Variants in FOXN4 observed in about 807,000 individuals in gnomAD.
FOXN4 encodes forkhead box N4, also known as forkhead box protein N4.
Under a neutral mutation model 45.0 loss-of-function variants are expected in FOXN4, and 12 were observed. The ratio of observed to expected loss-of-function variants is 0.27; its 90% confidence interval spans 0.17 to 0.43. The LOEUF is 0.43. Among genes scored for constraint, FOXN4 ranks in the 20% least tolerant of loss-of-function variants. The pLI is 1.00. For missense variants in FOXN4, 560 were observed against 694.9 expected, an observed-to-expected ratio of 0.81 and a Z score of 2.18; for synonymous variants, 297 against 295.0, an observed-to-expected ratio of 1.01 and a Z score of -0.07.
chr12:109,304,228 A>G (rs2047893454), intron 2 of FOXN4, among the ~76,000 whole-genome samples: 1 of 38,260 alleles, frequency 2.6e-5, no homozygotes, highest in South Asian at 9.7e-4. Context: ...AAAGAGAAAG[A>G]AAGAAAGAAA....
At chr12:109,299,149 T>C (rs1247518952) in intron 2 of FOXN4, among the ~76,000 whole-genome samples, 2 of 152,028 alleles carry the variant, frequency 1.3e-5, no homozygotes, top group South Asian at 2.1e-4. Flanking sequence ...AGAGAGCTTT[T>C]TGGGCAAAAA....
At chr12:109,301,238 C>A (rs906865449) in intron 2 of FOXN4, among the ~76,000 whole-genome samples, 1 of 152,218 alleles carries the variant, frequency 6.6e-6, no homozygotes, top group Non-Finnish European at 1.5e-5. Context: ...ACCCCAGCAT[C>A]CTCGTGTGCC....
At chr12:109,302,538 A>T (rs1787199848) in intron 2 of FOXN4, among the ~76,000 whole-genome samples, 1 of 152,216 alleles carries the variant, frequency 6.6e-6, no homozygotes, top group South Asian at 2.1e-4. Flanking sequence ...TCTGTGCTGC[A>T]GTTTCCTCAT....
chr12:109,286,010 C>T (rs190454368), intron 7 of FOXN4, among the ~76,000 whole-genome samples: 9 of 152,090 alleles, frequency 5.9e-5, no homozygotes, highest in East Asian at 3.9e-4. Flanking sequence ...GGACTACAGT[C>T]GTGCACCACC....
chr12:109,286,593 G>A, intron 7 of FOXN4, 55 bp downstream of exon 7: 1 of 1,540,660 alleles, frequency 6.5e-7, no homozygotes, highest in Admixed American at 1.9e-5. Context: ...GATTCTGGCA[G>A]CACCAGGAAG....
In FOXN4 at chr12:109,287,119, G is replaced by A. The variant is rs113875847; in HGVS notation, c.596+278C>T. ...ATGACTTTTTACATTTGGGGAAATC[G>A]AGGCTCAGAGAGGTCATCCCACTTC... On this transcript the variant is annotated intron_variant, in intron 6 of 9. Transcript: ENST00000299162. This position sits in a 1 kb window ranked among gnomAD's most constrained non-coding sequence, Gnocchi z 4.1. Among the ~76,000 whole-genome samples, 1 of 152,096 alleles carries A rather than the reference G, an allele frequency of 6.6e-6. No homozygotes were observed. Among genetic ancestry groups the A allele is most frequent in the Non-Finnish European group, 1.5e-5 (1 of 68,030 alleles).
intron 1 of FOXN4, 37 bp from the exon 2 acceptor site, chr12:109,308,361 A>G: frequency 2.7e-6 from 4 of 1,469,980 alleles, no homozygotes; most frequent in Non-Finnish European, 3.7e-6. Context: ...AGCTCCCATC[A>G]GCGACGATAT....
chr12:109,290,127 G>T lies in FOXN4; in HGVS notation c.232+14C>A. 2.6e-6 allele frequency: 4 copies of T among 1,536,718 alleles called. No homozygotes were observed. The highest frequency in any genetic ancestry group is 3.5e-6 in the Non-Finnish European group (4 of 1,138,736). ...TATCACCCTCCTCCCTGCCTACCTT[G>T]TCCCTGAGCCTACCTGGGTGTGGAT... On this transcript the variant is annotated intron_variant, in intron 3 of 9. Transcript: ENST00000299162. The surrounding 1 kb of genome is among the most constrained non-coding windows in gnomAD (Gnocchi z 5.1).
chr12:109,288,028 C>T lies in FOXN4; in HGVS notation c.357+28G>A, dbSNP rs778383192. The stretch of plus-strand genomic sequence containing the variant: ...ACCCAGTCTGGAGGGCACTACCCGC[C>T]CTCCGCAGTCCATGCAGTGCCACTT... On this transcript the variant is annotated intron_variant, in intron 4 of 9. Coordinates refer to ENST00000299162, the MANE Select transcript of FOXN4 (RefSeq NM_213596.3). The surrounding 1 kb of genome is among the most constrained non-coding windows in gnomAD (Gnocchi z 4.3). 45 of 1,549,904 alleles carry T rather than the reference C, an allele frequency of 2.9e-5. No individual in the cohort carries two copies. In the African/African-American group the frequency reaches 6.0e-4, roughly 21 times the overall value.
rs1481779167 is a variant in FOXN4 at position 109,281,807 on chromosome 12, C to T, written c.902-8G>A. 1.6e-5 allele frequency: 25 copies of T among 1,557,044 alleles called. No homozygotes were observed. The highest frequency in any genetic ancestry group is 1.9e-5 in the Non-Finnish European group (22 of 1,155,538). On this transcript the variant is annotated splice_polypyrimidine_tract_variant and splice_region_variant and intron_variant, in intron 8 of 9. Transcript: ENST00000299162. ...TCAGCTTGTCCAACTCCTCTGCAGG[C>T]AAGTGGGAGAGGTCACTCAGAACCC...
At position 109,287,939 on chromosome 12, in the gene FOXN4, C is replaced by T. The variant is rs551517487; in HGVS notation, c.373G>A (p.Val125Met). Residue 125 changes from valine to methionine, a missense_variant, in exon 5 of 10, where the codon GTG (valine) becomes ATG (methionine). By Grantham distance (21) the Val-to-Met change is conservative (BLOSUM62 1). Around this residue, in one of 5 missense-constraint regions of FOXN4, gnomAD observed 142 missense variants for 185.7 expected, o/e 0.76. Transcript: ENST00000299162. This position sits in a 1 kb window ranked among gnomAD's most constrained non-coding sequence, Gnocchi z 4.1. ...AGGCCAGATGAGGGCTGGCCCCCCA[C>T]GGGGAACTGGCTCATCTGCTGGGCA... is the stretch of plus-strand genomic sequence containing the variant. ...GHRDSMSQFP[V>M]GGQPSSGLQD... The T allele has an allele frequency of 1.8e-4, 280 of 1,549,680 alleles. No individual in the cohort carries two copies. The highest frequency in any genetic ancestry group is 2.3e-4 in the Non-Finnish European group (266 of 1,146,874).
At chr12:109,296,281 C>T (rs1033639544) in intron 2 of FOXN4, among the ~76,000 whole-genome samples, 4 of 152,188 alleles carry the variant, frequency 2.6e-5, no homozygotes, top group Non-Finnish European at 5.9e-5. Flanking sequence ...GCCCTCCAAC[C>T]TGTTCAGGTG....
At chr12:109,299,353 CAT>C (rs140522034) in intron 2 of FOXN4, among the ~76,000 whole-genome samples, 2,231 of 152,210 alleles carry the variant, frequency 0.015, 46 homozygotes, top group East Asian at 0.063. Context: ...CGGATGCACA[CAT>C]GTGTGCACAC....
At chr12:109,284,670 G>A (rs976574430) in intron 8 of FOXN4, among the ~76,000 whole-genome samples, 7 of 151,232 alleles carry the variant, frequency 4.6e-5, no homozygotes, top group South Asian at 2.1e-4. Context: ...GTGTGTGTGC[G>A]CACATGTGTG....
intron 8 of FOXN4, among the ~76,000 whole-genome samples, chr12:109,284,452 T>C (rs2047682729): frequency 6.6e-6 from 1 of 152,094 alleles, no homozygotes; most frequent in South Asian, 2.1e-4. Context: ...TGCATATGTG[T>C]GCGTGCATGT....
At chr12:109,304,221 GAGAAAGAA>G (rs58280775) in intron 2 of FOXN4, among the ~76,000 whole-genome samples, 7,372 of 82,326 alleles carry the variant, frequency 0.09, 389 homozygotes, top group East Asian at 0.11. Flanking sequence ...AGAAAAGAAA[GAGAAAGAA>G]AGAAAGAAAG....
chr12:109,307,674 A>G (rs542087014), intron 2 of FOXN4, among the ~76,000 whole-genome samples: 1 of 152,254 alleles, frequency 6.6e-6, no homozygotes, highest in African/African-American at 2.4e-5. Flanking sequence ...CTCAGTTTCC[A>G]TCTAATTTAC....
rs149752407 is a variant in FOXN4, at chr12:109,303,829, G to A, written c.86+4407C>T. Among the ~76,000 whole-genome samples the A allele has an allele frequency of 3.3e-3, 499 of 152,272 alleles. 2 individuals are homozygous for A. The highest frequency in any genetic ancestry group is 0.011 in the African/African-American group (468 of 41,560). On this transcript the variant is annotated intron_variant, in intron 2 of 9. Coordinates refer to ENST00000299162, the MANE Select transcript of FOXN4 (RefSeq NM_213596.3). The stretch of plus-strand genomic sequence containing the variant: ...AAGTTCTGCCCCTTCATAAATGTGT[G>A]CCTTTGAGCAAGTCATGTCTCTTGG...
chr12:109,308,693 A>C (rs937064853), intron 1 of FOXN4, among the ~76,000 whole-genome samples: 1 of 152,140 alleles, frequency 6.6e-6, no homozygotes, highest in Non-Finnish European at 1.5e-5. Flanking sequence ...CAGTTTGGTT[A>C]TGATCACTTT....
Sources: gnomAD v4.1 joint callset for allele counts (sites outside exome capture counted in the v4.1 genomes callset) on GRCh38, gnomAD v4.1.1 for gene constraint, gnomAD v4.1.1 regional missense constraint, Gnocchi (gnomAD v3.1) non-coding constraint, MANE v1.5 for transcripts, NCBI Gene and HGNC (gene_info 2026-07-23, HGNC 2026-07-21) for gene names.